The following HEATR4 variants were observed in gnomAD, a reference collection of about 807,000 sequenced individuals.
The protein encoded by HEATR4 is HEAT repeat-containing protein 4.
Under a neutral mutation model 108.8 loss-of-function variants are expected in HEATR4, and 95 were observed. The ratio of observed to expected loss-of-function variants is 0.87; its 90% confidence interval spans 0.74 to 1.04. HEATR4 has a LOEUF of 1.04. Ranked by LOEUF, HEATR4 falls within the 50% of genes least tolerant of loss-of-function variation. The pLI is 0.00. For synonymous variants in HEATR4, 443 were observed against 459.4 expected (o/e 0.96, Z 0.46); for missense variants, 1,152 against 1,253.8 (o/e 0.92, Z 1.23).
At chr14:73,495,049 G>GAAAC (rs1027061983) in intron 16 of HEATR4, among the ~76,000 whole-genome samples, 179 bp downstream of exon 16, 4 of 100,438 alleles carry the variant, frequency 4.0e-5, no homozygotes, top group African/African-American at 1.5e-4. Flanking sequence ...AAAAACCCGA[G>GAAAC]AAACAAACAA....
chr14:73,593,621 G>A, the HEATR4 span: 1 of 1,369,488 alleles, frequency 7.3e-7, no homozygotes, highest in Non-Finnish European at 1.0e-6. Context: ...GAGATTACAA[G>A]CATGAACCAC....
intron 1 of HEATR4, among the ~76,000 whole-genome samples, chr14:73,545,826 A>G (rs1968089): frequency 0.56 from 60,623 of 108,184 alleles, 24,914 homozygotes; most frequent in African/African-American, 0.75. Context: ...TTAGAAATTC[A>G]GGCTGGTGAA....
Position 73,520,840 on chromosome 14 carries a change from C to G in HEATR4, c.1069+12G>C. The G allele has an allele frequency of 6.2e-7, 1 of 1,611,062 alleles. No homozygotes were observed. Among genetic ancestry groups the G allele is most frequent in the South Asian group, 1.1e-5 (1 of 90,602 alleles). On this transcript the variant is annotated intron_variant, in intron 4 of 17. Transcript: ENST00000553558. ...CCCGTGTGCCCCTACCACAGGGGCC[C>G]AGCTCTATTACCAAAGTAAATCTCC...
chr14:73,576,937 T>C, the HEATR4 span, among the ~76,000 whole-genome samples: 53,508 of 144,328 alleles, frequency 0.37, 11,112 homozygotes, highest in East Asian at 0.84. Context: ...CTTTTCTTTT[T>C]TTTTTTTTTT....
intron 17 of HEATR4, chr14:73,491,251 G>C: frequency 1.3e-6 from 2 of 1,582,238 alleles, no homozygotes; most frequent in South Asian, 2.3e-5. Context: ...TGGGGGACGC[G>C]CTACCCGGTG....
the HEATR4 span, among the ~76,000 whole-genome samples, chr14:73,615,402 AAAAAACAAAAAAC>A: frequency 6.3e-5 from 5 of 79,846 alleles, no homozygotes; most frequent in South Asian, 5.5e-4. Flanking sequence ...AAAAAAAAAA[AAAAAACAAAAAAC>A]AAAAAAAACC....
chr14:73,526,869 A>G (rs115431301), intron 2 of HEATR4, among the ~76,000 whole-genome samples: 1,969 of 152,170 alleles, frequency 0.013, 43 homozygotes, highest in African/African-American at 0.046. Context: ...GACCCAGTGC[A>G]CTGCCATCTG....
At chr14:73,496,561 C>T in intron 15 of HEATR4, 40 bp downstream of exon 15, 1 of 1,278,888 alleles carries the variant, frequency 7.8e-7, no homozygotes, top group Middle Eastern at 1.9e-4. Flanking sequence ...TCTTGAGAGT[C>T]CTGAATTTTC....
chr14:73,591,618 T>G, the HEATR4 span: 1 of 262,958 alleles, frequency 3.8e-6, no homozygotes, highest in Non-Finnish European at 7.1e-6. Flanking sequence ...CTCATTGGCT[T>G]TTGGTTTCAC....
At chr14:73,508,479 TG>T (rs1233161747) in intron 8 of HEATR4, among the ~76,000 whole-genome samples, 185 bp from the exon 9 acceptor site, 7 of 152,240 alleles carry the variant, frequency 4.6e-5, no homozygotes, top group African/African-American at 1.7e-4. Flanking sequence ...CTGGGCACGG[TG>T]GCTAACACCT....
chr14:73,526,990 C>G (rs539847405), intron 2 of HEATR4, among the ~76,000 whole-genome samples: 2 of 152,264 alleles, frequency 1.3e-5, no homozygotes, highest in East Asian at 3.9e-4. Context: ...GAGATGTTGC[C>G]TGGGTAACCG....
At chr14:73,513,877 A>G (rs989326975) in intron 6 of HEATR4, among the ~76,000 whole-genome samples, 154 bp downstream of exon 6, 5 of 152,084 alleles carry the variant, frequency 3.3e-5, no homozygotes, top group Admixed American at 6.6e-5. Flanking sequence ...CTAACACCCA[A>G]TGTGTGAAAG....
intron 5 of HEATR4, among the ~76,000 whole-genome samples, chr14:73,514,695 A>T (rs1887479927): frequency 6.6e-6 from 1 of 152,186 alleles, no homozygotes; most frequent in African/African-American, 2.4e-5. Flanking sequence ...AATTTTAAAG[A>T]TTTTAACATC....
At chr14:73,514,586 T>TA (rs1425701499) in intron 5 of HEATR4, among the ~76,000 whole-genome samples, 1 of 152,372 alleles carries the variant, frequency 6.6e-6, no homozygotes, top group Non-Finnish European at 1.5e-5. Context: ...TAATATTTGA[T>TA]ACGTTGCAAT....
In HEATR4 at chr14:73,498,310, C is replaced by A; in HGVS notation, c.2391G>T (p.Leu797=). Residue 797 remains leucine (L), a synonymous_variant, in exon 14 of 18, where the codon CTG becomes CTT. Transcript: ENST00000553558. ...GGATAGCCCAGAGCAGAAGATCCGT[C>A]AGCTCGGGACTTACTTGCCCAATCT... is the stretch of plus-strand genomic sequence containing the variant. The part of the protein sequence containing the change: ...LGQIGQVSPE[L]TDLLLWAIHY... 6.2e-7 allele frequency: 1 copy of A among 1,610,120 alleles called. No homozygotes were observed.
the HEATR4 span, among the ~76,000 whole-genome samples, chr14:73,628,204 CA>C: frequency 6.6e-6 from 1 of 152,190 alleles, no homozygotes; most frequent in African/African-American, 2.4e-5. Flanking sequence ...CATTAGCACA[CA>C]AAAGACAACA....
intron 17 of HEATR4, among the ~76,000 whole-genome samples, chr14:73,485,967 G>T (rs1885437005): frequency 6.6e-6 from 1 of 152,108 alleles, no homozygotes. Context: ...ACCTGCCTCA[G>T]CCTACCAAAG....
In HEATR4 at chr14:73,521,000, G is replaced by T; in HGVS notation, c.921C>A (p.Ile307=). The change falls in exon 4 of 18, where the codon ATC becomes ATA. Residue 307 remains isoleucine (I), a synonymous_variant. Coordinates refer to ENST00000553558, the MANE Select transcript of HEATR4 (RefSeq NM_001220484.1). ...SYFQQAETVE[I]MPGNKSTEDI... is the part of the protein sequence containing the mutation. ...CCTCAGTGCTCTTGTTGCCAGGCAT[G>T]ATCTCAACTGTCTCTGCTTGTTGGA... The T allele has an allele frequency of 6.2e-7, 1 of 1,613,722 alleles. No homozygotes were observed. Among genetic ancestry groups the T allele is most frequent in the Non-Finnish European group, 8.5e-7 (1 of 1,179,984 alleles).
At position 73,495,237 on chromosome 14, in the gene HEATR4, T is replaced by C. The variant is rs776519128; in HGVS notation, c.2776A>G (p.Thr926Ala). 3.7e-6 allele frequency: 6 copies of C among 1,613,104 alleles called. No individual in the cohort carries two copies. Among genetic ancestry groups the C allele is most frequent in the Admixed American group, 1.7e-5 (1 of 59,804 alleles). The change falls in exon 16 of 18, where the codon ACT (threonine) becomes GCT (alanine). Residue 926 changes from threonine (T) to alanine (A), a missense_variant. Transcript: ENST00000553558. ...PLTLQTLLQETFQDEMVLPRR... is the reference protein window; with the variant it reads ...PLTLQTLLQEAFQDEMVLPRR... Reference sequence around the variant, plus strand: ...CCCCTAGGAAACCTACCCTGAAAAGTTTCTTGGAGTAAAGTCTGGAGTGTT... The same window carrying C: ...CCCCTAGGAAACCTACCCTGAAAAGCTTCTTGGAGTAAAGTCTGGAGTGTT...
Sources: allele counts gnomAD v4.1 joint callset (sites outside exome capture counted in the v4.1 genomes callset), GRCh38; gene constraint gnomAD v4.1.1; transcripts MANE v1.5; gene names NCBI Gene and HGNC (gene_info 2026-07-23, HGNC 2026-07-21).